ARL8B: variants seen among roughly 807,000 people sequenced by gnomAD.
The protein encoded by ARL8B is ADP-ribosylation factor-like protein 8B.
In ARL8B, 9 loss-of-function variants were observed where a neutral mutation model predicts 30.6. That is an observed-to-expected ratio of 0.29 (90% CI 0.18 to 0.51). The LOEUF (loss-of-function observed/expected upper bound fraction) is 0.51, where lower values mean the gene tolerates loss of function less well. Among genes scored for constraint, ARL8B ranks in the 20% least tolerant of loss-of-function variants. ARL8B has a pLI of 0.97. For synonymous variants in ARL8B, 74 were observed against 76.0 expected (o/e 0.97, Z 0.14); for missense variants, 130 against 227.2 (o/e 0.57, Z 2.75).
At chr3:5,124,976 C>G (rs1298433949) in intron 1 of ARL8B, among the ~76,000 whole-genome samples, 1 of 152,172 alleles carries the variant, frequency 6.6e-6, no homozygotes, top group African/African-American at 2.4e-5. Flanking sequence ...CTTGGGAACT[C>G]TAAAAAGTTG....
At chr3:5,148,561 C>T (rs1238412541) in intron 1 of ARL8B, among the ~76,000 whole-genome samples, 2 of 152,068 alleles carry the variant, frequency 1.3e-5, no homozygotes, top group Non-Finnish European at 2.9e-5. Context: ...GGGCCTTTCA[C>T]TGGGTGAGGG....
chr3:5,124,074 C>G (rs2054207464), intron 1 of ARL8B, among the ~76,000 whole-genome samples: 1 of 151,952 alleles, frequency 6.6e-6, no homozygotes, highest in Admixed American at 6.6e-5. Context: ...TGCTTTGTTG[C>G]TCAGGCTAGT....
intron 1 of ARL8B, among the ~76,000 whole-genome samples, chr3:5,167,523 A>G (rs770572134): frequency 1.1e-4 from 16 of 152,162 alleles, no homozygotes; most frequent in Non-Finnish European, 2.1e-4. Flanking sequence ...AAGGATAAGG[A>G]GGGACTACTT....
intron 1 of ARL8B, among the ~76,000 whole-genome samples, chr3:5,161,414 A>G (rs1315530699): frequency 2.0e-5 from 3 of 152,324 alleles, no homozygotes; most frequent in East Asian, 1.9e-4. Context: ...CAGAGAGGCA[A>G]TGTTTGAGTG....
intron 1 of ARL8B, among the ~76,000 whole-genome samples, chr3:5,128,042 G>A (rs184924005): frequency 1.3e-5 from 2 of 150,612 alleles, no homozygotes; most frequent in East Asian, 4.0e-4. Context: ...ACAAAAATTA[G>A]CCTGGCGTTA....
chr3:5,139,598 A>G (rs1333646689), intron 1 of ARL8B, among the ~76,000 whole-genome samples: 1 of 152,158 alleles, frequency 6.6e-6, no homozygotes, highest in East Asian at 1.9e-4. Context: ...CATCTTTGAC[A>G]TTTGTTTAGT....
chr3:5,172,059 T>C, intron 2 of ARL8B, 91 bp from the exon 3 acceptor site: 3 of 1,237,250 alleles, frequency 2.4e-6, no homozygotes, highest in Non-Finnish European at 3.5e-6. Context: ...AATAAATATA[T>C]CTTCCCGATC....
At position 5,122,608 on chromosome 3, in the gene ARL8B, C is replaced by G. The variant is rs975242610; in HGVS notation, c.123+20C>G. 3 of 1,588,086 alleles carry G rather than the reference C, an allele frequency of 1.9e-6. No individual in the cohort carries two copies. The highest frequency in any genetic ancestry group is 1.4e-5 in the African/African-American group (1 of 73,726). On this transcript the variant is annotated intron_variant, in intron 1 of 6. Coordinates refer to ENST00000256496, the MANE Select transcript of ARL8B (RefSeq NM_018184.3). ...ATCGCGGTGAGCGCCCGCCCACTCA[C>G]TCGCCCGGGGCTCCGCAGCCAGGAG...
rs182649957 is a variant in ARL8B, at chr3:5,150,307, A to G, written c.124-20196A>G. On this transcript the variant is annotated intron_variant, in intron 1 of 6. Transcript: ENST00000256496. ...GTGAAACCCCATCTCTACTAAAAAT[A>G]CAAAAATTAGCCAGGCGTGGTGGCA... 8.8e-3 allele frequency among the ~76,000 whole-genome samples: 1,345 copies of G among 151,996 alleles called. 16 individuals carry two copies. The highest frequency in any genetic ancestry group is 0.03 in the African/African-American group (1,261 of 41,408).
chr3:5,150,991 G>A (rs1024770953), intron 1 of ARL8B, among the ~76,000 whole-genome samples: 6 of 152,130 alleles, frequency 3.9e-5, no homozygotes, highest in South Asian at 2.1e-4. Context: ...TGAGCATAGC[G>A]TGTTTATAGT....
At chr3:5,134,607 A>G (rs1254145262) in intron 1 of ARL8B, among the ~76,000 whole-genome samples, 1 of 152,192 alleles carries the variant, frequency 6.6e-6, no homozygotes, top group Admixed American at 6.5e-5. Context: ...AAACACGTAG[A>G]TAGTGTTAGA....
intron 1 of ARL8B, among the ~76,000 whole-genome samples, chr3:5,137,253 G>T (rs992283225): frequency 2.6e-5 from 4 of 151,856 alleles, no homozygotes; most frequent in African/African-American, 7.3e-5. Flanking sequence ...TCCTTAGGTG[G>T]TAGGTTGATG....
intron 1 of ARL8B, among the ~76,000 whole-genome samples, chr3:5,162,803 G>A (rs983946650): frequency 3.3e-5 from 5 of 151,992 alleles, no homozygotes; most frequent in Non-Finnish European, 5.9e-5. Flanking sequence ...AACATGGGCG[G>A]GTCTGTTCCA....
intron 1 of ARL8B, among the ~76,000 whole-genome samples, chr3:5,152,152 C>A (rs78862958): frequency 2.2e-4 from 34 of 152,282 alleles, no homozygotes; most frequent in African/African-American, 7.9e-4. Flanking sequence ...TACATCCTTG[C>A]TGGTTTTCTC....
At chr3:5,125,125 C>CT (rs1315073462) in intron 1 of ARL8B, among the ~76,000 whole-genome samples, 6 of 152,180 alleles carry the variant, frequency 3.9e-5, no homozygotes, top group Non-Finnish European at 8.8e-5. Context: ...CTTACATCCT[C>CT]TTTGAGTCCT....
chr3:5,130,276 C>T (rs1157838590), intron 1 of ARL8B, among the ~76,000 whole-genome samples: 1 of 152,016 alleles, frequency 6.6e-6, no homozygotes, highest in East Asian at 1.9e-4. Context: ...TCTCCTGCCT[C>T]AGCCTCCCAA....
chr3:5,171,225 C>A (rs149725418), intron 2 of ARL8B, among the ~76,000 whole-genome samples: 1 of 152,240 alleles, frequency 6.6e-6, no homozygotes, highest in African/African-American at 2.4e-5. Context: ...AACCGGAAGC[C>A]TCTTGAAGAT....
chr3:5,169,985 T>C (rs1239843609), intron 1 of ARL8B, among the ~76,000 whole-genome samples: 2 of 152,200 alleles, frequency 1.3e-5, no homozygotes, highest in Non-Finnish European at 2.9e-5. Flanking sequence ...TAGCAGACAA[T>C]ACTCATGACA....
intron 1 of ARL8B, among the ~76,000 whole-genome samples, chr3:5,133,710 T>C (rs2054302519): frequency 6.6e-6 from 1 of 152,024 alleles, no homozygotes; most frequent in African/African-American, 2.4e-5. Context: ...TGTGGATCCT[T>C]TGAGCTCAGG....
Sources: allele counts gnomAD v4.1 joint callset (sites outside exome capture counted in the v4.1 genomes callset), GRCh38; gene constraint gnomAD v4.1.1; transcripts MANE v1.5; gene names NCBI Gene and HGNC (gene_info 2026-07-23, HGNC 2026-07-21).